Variants in EEFSEC observed in about 807,000 individuals in gnomAD.
EEFSEC encodes the protein eukaryotic elongation factor, selenocysteine-tRNA specific, also known as selenocysteine-specific elongation factor.
In EEFSEC, 43 loss-of-function variants were observed where a neutral mutation model predicts 42.1. The observed-to-expected ratio is 1.02, with a 90% CI of 0.80 to 1.32. EEFSEC has a LOEUF of 1.32. EEFSEC is among the 40% of genes most tolerant of loss of function. The pLI, the probability that EEFSEC is intolerant of heterozygous loss-of-function variation, is 0.00. For missense variants in EEFSEC, 745 were observed against 803.6 expected (o/e 0.93, Z 0.88); for synonymous variants, 354 against 339.1 (o/e 1.04, Z -0.48).
chr3:128,392,177 A>G (rs891720788), intron 6 of EEFSEC, among the ~76,000 whole-genome samples: 1 of 152,204 alleles, frequency 6.6e-6, no homozygotes, highest in African/African-American at 2.4e-5. Flanking sequence ...GAGCCAGGGC[A>G]TGCGGGACCC....
chr3:128,265,906 A>AC (rs1309407009), intron 4 of EEFSEC, among the ~76,000 whole-genome samples: 2 of 152,248 alleles, frequency 1.3e-5, no homozygotes, highest in African/African-American at 4.8e-5. Flanking sequence ...GCTGGAGAAC[A>AC]CCAACTAATG....
chr3:128,348,914 G>A (rs1471357958), intron 5 of EEFSEC, among the ~76,000 whole-genome samples: 1 of 152,228 alleles, frequency 6.6e-6, no homozygotes, highest in Non-Finnish European at 1.5e-5. Context: ...ACTCATGCCT[G>A]CATCAGAGGA....
intron 1 of EEFSEC, among the ~76,000 whole-genome samples, chr3:128,230,746 A>C (rs2065952118): frequency 6.6e-6 from 1 of 152,170 alleles, no homozygotes; most frequent in South Asian, 2.1e-4. Flanking sequence ...CTTAGCATGC[A>C]GATTGGGAAA....
chr3:128,323,747 C>T (rs948343592), intron 4 of EEFSEC, among the ~76,000 whole-genome samples: 6 of 152,214 alleles, frequency 3.9e-5, no homozygotes, highest in African/African-American at 1.4e-4. Context: ...GAGCCAGCCC[C>T]CAGGGCAGAT....
intron 4 of EEFSEC, among the ~76,000 whole-genome samples, chr3:128,289,145 G>C (rs1230740590): frequency 6.6e-6 from 1 of 152,142 alleles, no homozygotes; most frequent in Non-Finnish European, 1.5e-5. Flanking sequence ...TAGCCAGTTG[G>C]GCCCCTCTGA....
At chr3:128,193,470 G>T (rs2065548614) in intron 1 of EEFSEC, among the ~76,000 whole-genome samples, 2 of 152,200 alleles carry the variant, frequency 1.3e-5, no homozygotes, top group Non-Finnish European at 2.9e-5. Flanking sequence ...ATTGGCAAGG[G>T]CCCATTTTTC....
intron 4 of EEFSEC, among the ~76,000 whole-genome samples, chr3:128,306,037 C>T (rs1464758739): frequency 7.9e-5 from 12 of 152,226 alleles, no homozygotes; most frequent in Admixed American, 7.2e-4. Context: ...ATGAGAAAAT[C>T]GTCTCATTTC....
chr3:128,375,332 G>A (rs2067697055), intron 6 of EEFSEC, among the ~76,000 whole-genome samples: 1 of 152,186 alleles, frequency 6.6e-6, no homozygotes, highest in Non-Finnish European at 1.5e-5. Flanking sequence ...GCACCTGTCT[G>A]TCTGGTGAGC....
In EEFSEC at chr3:128,168,455, T is replaced by TA. The variant is rs544414511; in HGVS notation, c.316+14640dup. ...ATACCATTACCAAGTGCTTGCATGG[T>TA]AAAAAAAACTTTCTGGGGAGAGAGA... On this transcript the variant is annotated intron_variant, in intron 1 of 6. Transcript: ENST00000254730. 6.1e-3 allele frequency among the ~76,000 whole-genome samples: 926 copies of TA among 152,090 alleles called. 3 individuals are homozygous for TA. The highest frequency in any genetic ancestry group is 0.01 in the Middle Eastern group (3 of 294).
chr3:128,246,046 C>T (rs564605488), intron 1 of EEFSEC, among the ~76,000 whole-genome samples: 4 of 152,274 alleles, frequency 2.6e-5, no homozygotes, highest in South Asian at 2.1e-4. Context: ...CGAAGTTACA[C>T]GCTTCTTGTT....
chr3:128,226,969 C>T (rs537357435), intron 1 of EEFSEC, among the ~76,000 whole-genome samples: 18 of 152,192 alleles, frequency 1.2e-4, no homozygotes, highest in Non-Finnish European at 1.6e-4. Context: ...ACCAGCCTGG[C>T]CTGCCTGTCG....
At chr3:128,284,910 GTTTT>G (rs34887760) in intron 4 of EEFSEC, among the ~76,000 whole-genome samples, 1 of 143,992 alleles carries the variant, frequency 6.9e-6, no homozygotes, top group African/African-American at 2.5e-5. Context: ...ATGCTTTAAC[GTTTT>G]TTTTTTTTTA....
rs2065747666 is a variant in EEFSEC at position 128,210,740 on chromosome 3, T to C, written c.317-36096T>C. On this transcript the variant is annotated intron_variant, in intron 1 of 6. Transcript: ENST00000254730. ...AAGAAGCCTTGATTCACACGTGTCA[T>C]GACATTGAGCATTCTTGTGTTTGGT... Among the ~76,000 whole-genome samples, 6 of 152,350 alleles carry C rather than the reference T, an allele frequency of 3.9e-5. No homozygotes were observed. In the South Asian group the frequency reaches 1.2e-3, roughly 32 times the overall value.
At chr3:128,367,345 G>A (rs946695382) in intron 6 of EEFSEC, among the ~76,000 whole-genome samples, 6 of 152,218 alleles carry the variant, frequency 3.9e-5, no homozygotes, top group Non-Finnish European at 2.9e-5. Context: ...GGTGCACAAT[G>A]CCATGAGATC....
rs543645157 is a variant in EEFSEC, at chr3:128,389,311, C to T, written c.1601-18758C>T. On this transcript the variant is annotated intron_variant, in intron 6 of 6. Coordinates refer to ENST00000254730, the MANE Select transcript of EEFSEC (RefSeq NM_021937.5). The stretch of plus-strand genomic sequence containing the variant: ...GGCAGGCATTTTGGTTGGGGATGGG[C>T]GGGCATAACAGGACACAGGAGGTCA... Among the ~76,000 whole-genome samples the T allele has an allele frequency of 4.1e-4, 63 of 152,344 alleles. 1 individual carries two copies. Among genetic ancestry groups the T allele is most frequent in the African/African-American group, 1.4e-3 (58 of 41,580 alleles).
At chr3:128,308,095 A>G (rs1340356617) in intron 4 of EEFSEC, among the ~76,000 whole-genome samples, 1 of 152,238 alleles carries the variant, frequency 6.6e-6, no homozygotes. Flanking sequence ...CTCTGCGCCC[A>G]CAGTTAAGTA....
intron 1 of EEFSEC, 71 bp from the exon 2 acceptor site, chr3:128,246,765 G>C: frequency 6.6e-7 from 1 of 1,523,706 alleles, no homozygotes; most frequent in South Asian, 1.1e-5. Context: ...CTTTGACCTG[G>C]GGCATTGGGC....
At chr3:128,258,729 C>A (rs1479109886) in intron 2 of EEFSEC, among the ~76,000 whole-genome samples, 1 of 152,198 alleles carries the variant, frequency 6.6e-6, no homozygotes, top group South Asian at 2.1e-4. Context: ...GCTATCATAT[C>A]GTTTTTTCGT....
chr3:128,224,254 C>T (rs751943943), intron 1 of EEFSEC, among the ~76,000 whole-genome samples: 5 of 152,172 alleles, frequency 3.3e-5, no homozygotes, highest in Non-Finnish European at 5.9e-5. Context: ...TTTTAGTTGG[C>T]GTTAGTGAAA....
Sources: gnomAD v4.1 joint callset for allele counts (sites outside exome capture counted in the v4.1 genomes callset) on GRCh38, gnomAD v4.1.1 for gene constraint, MANE v1.5 for transcripts, NCBI Gene and HGNC (gene_info 2026-07-23, HGNC 2026-07-21) for gene names.